The following UMPS variants were observed in gnomAD, a reference collection of about 807,000 sequenced individuals.
The protein encoded by UMPS is uridine monophosphate synthetase, also known as uridine 5'-monophosphate synthase.
Under a neutral mutation model 38.9 loss-of-function variants are expected in UMPS, and 21 were observed. That is an observed-to-expected ratio of 0.54 (90% CI 0.38 to 0.78). UMPS has a LOEUF of 0.78. Among genes scored for constraint, UMPS ranks in the 30% least tolerant of loss-of-function variants. The pLI is 0.00. For synonymous variants in UMPS, 208 were observed against 219.3 expected, an observed-to-expected ratio of 0.95 and a Z score of 0.45; for missense variants, 533 against 591.6, an observed-to-expected ratio of 0.90 and a Z score of 1.03.
At chr3:124,743,349 T>TAAAC (rs1278179147) in intron 5 of UMPS, among the ~76,000 whole-genome samples, 1 of 130,456 alleles carries the variant, frequency 7.7e-6, no homozygotes, top group Admixed American at 8.1e-5. Flanking sequence ...AATAAATAAA[T>TAAAC]AAATAGGGCG....
In UMPS at chr3:124,747,562, T is replaced by G. The variant is rs1422634177; in HGVS notation, c.*3478T>G. 1 of 453,634 alleles carries G rather than the reference T, an allele frequency of 2.2e-6. No homozygotes were observed. Among genetic ancestry groups the G allele is most frequent in the Non-Finnish European group, 4.4e-6 (1 of 226,476 alleles). The allele number at this position is 453,634 out of a possible 1,614,324, so 28.1% of individuals were successfully genotyped here. On this transcript the variant is annotated 3_prime_UTR_variant, in exon 6 of 6. Transcript: ENST00000232607. ...GAGCAAGAGAAAGTAGAGCAGAGCC[T>G]ACTCCAGCCTCCCCCGTCCAATGTA...
intron 1 of UMPS, among the ~76,000 whole-genome samples, chr3:124,734,787 G>A (rs1014497388): frequency 4.6e-5 from 7 of 152,164 alleles, no homozygotes; most frequent in South Asian, 2.1e-4. Flanking sequence ...TTGGGAGGCC[G>A]AGGCAGGTGG....
intron 5 of UMPS, 37 bp from the exon 6 acceptor site, chr3:124,743,878 G>C: frequency 6.2e-7 from 1 of 1,612,692 alleles, no homozygotes. Flanking sequence ...TCTGATTTTT[G>C]TATTATGTGA....
At chr3:124,742,045 T>C (rs531435458) in intron 4 of UMPS, 107 bp from the exon 5 acceptor site, 262 of 947,418 alleles carry the variant, frequency 2.8e-4, no homozygotes, top group Non-Finnish European at 3.7e-4. Flanking sequence ...GGAGACCTCA[T>C]GTCTTTTTTT....
Position 124,735,743 on chromosome 3 carries a change from G to A in UMPS, c.310+497G>A, listed in dbSNP as rs532013626. ...TGTAATCCCAGCACTTTTGGAGGCCGAGGTAGGCGGATCACTTGAGGTCAG... is the reference window on the plus strand; with the variant it reads ...TGTAATCCCAGCACTTTTGGAGGCCAAGGTAGGCGGATCACTTGAGGTCAG... On this transcript the variant is annotated intron_variant, in intron 2 of 5. Transcript: ENST00000232607. Among the ~76,000 whole-genome samples, 7 of 151,800 alleles carry A rather than the reference G, an allele frequency of 4.6e-5. No individual in the cohort carries two copies. The East Asian group carries it at 9.8e-4, about 21-fold the overall frequency.
chr3:124,743,641 AAAAT>A (rs201084171), intron 5 of UMPS, among the ~76,000 whole-genome samples: 14 of 150,892 alleles, frequency 9.3e-5, no homozygotes, highest in Admixed American at 2.0e-4. Context: ...CCGTCTCAAA[AAAAT>A]AAATAAATAA....
chr3:124,741,282 A>G (rs1199768120), intron 4 of UMPS, among the ~76,000 whole-genome samples: 5 of 152,098 alleles, frequency 3.3e-5, no homozygotes, highest in Non-Finnish European at 7.4e-5. Context: ...GAATGTATCA[A>G]TGTGTGTCTC....
At chr3:124,740,710 C>T (rs916864847) in intron 4 of UMPS, among the ~76,000 whole-genome samples, 4 of 152,144 alleles carry the variant, frequency 2.6e-5, no homozygotes, top group Non-Finnish European at 5.9e-5. Context: ...GTAATCCTAG[C>T]ACTTTGGGAG....
At chr3:124,743,358 C>T (rs971676221) in intron 5 of UMPS, among the ~76,000 whole-genome samples, 3 of 140,772 alleles carry the variant, frequency 2.1e-5, no homozygotes, top group Admixed American at 1.5e-4. Flanking sequence ...ATAAATAGGG[C>T]GGGGCGCAGT....
Position 124,737,663 on chromosome 3 carries a change from G to C in UMPS, c.406G>C (p.Val136Leu), listed in dbSNP as rs765303650. 1.2e-6 allele frequency: 2 copies of C among 1,614,200 alleles called. No individual in the cohort carries two copies. The highest frequency in any genetic ancestry group is 1.7e-6 in the Non-Finnish European group (2 of 1,180,040). Residue 136 changes from valine (V) to leucine (L), a missense_variant, in exon 3 of 6, where the codon GTT becomes CTT. Physicochemically the swap from Val to Leu is conservative, Grantham distance 32. Coordinates refer to ENST00000232607, the MANE Select transcript of UMPS (RefSeq NM_000373.4). ...CAGTGGATCTAGTGTTTTGGAAACT[G>C]TTGAGGTTCTTCAGAAGGAGGGCTT... ...VTSGSSVLET[V>L]EVLQKEGLKV...
At chr3:124,735,709 G>T (rs964121772) in intron 2 of UMPS, among the ~76,000 whole-genome samples, 1 of 152,218 alleles carries the variant, frequency 6.6e-6, no homozygotes, top group Admixed American at 6.5e-5. Context: ...AGGCACCATG[G>T]CTCACGCCTG....
At chr3:124,739,678 T>A (rs1033835701) in intron 3 of UMPS, among the ~76,000 whole-genome samples, 3 of 152,218 alleles carry the variant, frequency 2.0e-5, no homozygotes, top group African/African-American at 7.2e-5. Flanking sequence ...AATAAATGTT[T>A]ATCTTCACTG....
chr3:124,738,072 C>G lies in UMPS; in HGVS notation c.815C>G (p.Ala272Gly). 1 of 1,614,182 alleles carries G rather than the reference C, an allele frequency of 6.2e-7. No homozygotes were observed. The highest frequency in any genetic ancestry group is 8.5e-7 in the Non-Finnish European group (1 of 1,180,050). Residue 272 changes from alanine to glycine, a missense_variant, in exon 3 of 6, where the codon GCT (alanine) becomes GGT (glycine). Transcript: ENST00000232607. ...AGAGAGCTGTTGCAGCTAGCAGATG[C>G]TTTAGGACCTAGTATCTGCATGCTG... ...LARELLQLAD[A>G]LGPSICMLKT... is the part of the protein sequence containing the mutation.
At chr3:124,737,544 T>A in intron 2 of UMPS, 24 bp from the exon 3 acceptor site, 1 of 1,613,192 alleles carries the variant, frequency 6.2e-7, no homozygotes, top group South Asian at 1.1e-5. Context: ...AAATTTGGAA[T>A]CAGCAAAATT....
chr3:124,744,378 A>T lies in UMPS; in HGVS notation c.*294A>T, dbSNP rs1358890403. 2.0e-6 allele frequency: 1 copy of T among 500,774 alleles called. No individual in the cohort carries two copies. Among genetic ancestry groups the T allele is most frequent in the Non-Finnish European group, 3.9e-6 (1 of 257,728 alleles). The allele number at this position is 500,774 out of a possible 1,614,324, so 31.0% of individuals were successfully genotyped here. A position where few individuals can be genotyped will look rare whatever the true frequency, so the allele number is the denominator to read the frequency against. On this transcript the variant is annotated 3_prime_UTR_variant, in exon 6 of 6. Transcript: ENST00000232607. The stretch of plus-strand genomic sequence containing the variant: ...TCTTCCACATTTGAGGATCCTTCCT[A>T]TCTCTCCATGGGACTAGACTGCTTT...
At position 124,748,147 on chromosome 3, in the gene UMPS, C is replaced by G. The variant is rs1336382451; in HGVS notation, c.*4063C>G. ...ATAATACTATATTGCCCAGGCTGGT[C>G]TCGAACTCCTTAGCTCAAGTGATCC... On this transcript the variant is annotated 3_prime_UTR_variant, in exon 6 of 6. Coordinates refer to ENST00000232607, the MANE Select transcript of UMPS (RefSeq NM_000373.4). 5 of 440,134 alleles carry G rather than the reference C, an allele frequency of 1.1e-5. No individual in the cohort carries two copies. Among genetic ancestry groups the G allele is most frequent in the African/African-American group, 2.0e-5 (1 of 49,090 alleles). The allele number at this position is 440,134 out of a possible 1,614,324, so 27.3% of individuals were successfully genotyped here.
chr3:124,730,964 C>T (rs2063471410), intron 1 of UMPS, among the ~76,000 whole-genome samples: 6 of 152,160 alleles, frequency 3.9e-5, no homozygotes. Flanking sequence ...CGTGGTGCCT[C>T]ATGAGAGTAA....
At chr3:124,731,456 G>A in intron 1 of UMPS, 1 of 417,494 alleles carries the variant, frequency 2.4e-6, no homozygotes, top group Non-Finnish European at 4.8e-6. Context: ...AAAGAACAAT[G>A]TATAGCTAAT....
rs141501397 is a variant in UMPS at position 124,730,489 on chromosome 3, A to C, written c.18A>C (p.Ala6=). 35 of 1,614,052 alleles carry C rather than the reference A, an allele frequency of 2.2e-5. No homozygotes were observed. The highest frequency in any genetic ancestry group is 3.4e-6 in the Non-Finnish European group (4 of 1,180,010). Residue 6 remains alanine (A), a synonymous_variant, in exon 1 of 6, where the codon GCA becomes GCC. Coordinates refer to ENST00000232607, the MANE Select transcript of UMPS (RefSeq NM_000373.4). ...GCGCGACAATGGCGGTCGCTCGTGC[A>C]GCTTTGGGGCCATTGGTGACGGGTC... MAVAR[A]ALGPLVTGLY... is the part of the protein sequence containing the mutation.
Sources: gnomAD v4.1 joint callset for allele counts (sites outside exome capture counted in the v4.1 genomes callset) on GRCh38, gnomAD v4.1.1 for gene constraint, MANE v1.5 for transcripts, NCBI Gene and HGNC (gene_info 2026-07-23, HGNC 2026-07-21) for gene names.